CHRM3: variants seen among roughly 807,000 people sequenced by gnomAD.
The protein encoded by CHRM3 is muscarinic acetylcholine receptor M3.
CHRM3 carries 11 observed loss-of-function variants against 41.8 expected under a neutral mutation model. The ratio of observed to expected loss-of-function variants is 0.26; its 90% CI spans 0.17 to 0.44. CHRM3 has a LOEUF of 0.44. CHRM3 is among the 20% of genes least tolerant of loss of function. CHRM3 has a pLI of 1.00. For synonymous variants in CHRM3, 297 were observed against 301.4 expected (o/e 0.99, Z 0.15); for missense variants, 571 against 745.4 (o/e 0.77, Z 2.72).
chr1:239,711,148 C>T (rs1484863566), intron 5 of CHRM3, among the ~76,000 whole-genome samples: 2 of 152,048 alleles, frequency 1.3e-5, no homozygotes, highest in African/African-American at 4.8e-5. Flanking sequence ...AAATACACAT[C>T]CCTTGTGTGT....
chr1:239,740,834 G>C (rs1243010907), intron 5 of CHRM3, among the ~76,000 whole-genome samples: 1 of 152,200 alleles, frequency 6.6e-6, no homozygotes, highest in Non-Finnish European at 1.5e-5. Flanking sequence ...TGGTGAGGCT[G>C]TGGAGAAATA....
intron 3 of CHRM3, among the ~76,000 whole-genome samples, chr1:239,611,577 T>C (rs146705538): frequency 0.049 from 7,394 of 152,030 alleles, 261 homozygotes; most frequent in East Asian, 0.17. Context: ...TGCGTCACCA[T>C]GCCCGGCTAA....
chr1:239,641,477 A>G lies in CHRM3; in HGVS notation c.-250+9191A>G, dbSNP rs544386041. ...TATTGGGTGCATATATATTTAGGATAGTTAGCTCTTCTTGTTGAATTGATC... is the reference window on the plus strand; with the variant it reads ...TATTGGGTGCATATATATTTAGGATGGTTAGCTCTTCTTGTTGAATTGATC... On this transcript the variant is annotated intron_variant, in intron 4 of 6. Coordinates refer to ENST00000676153, the MANE Select transcript of CHRM3 (RefSeq NM_001375978.1). 2.7e-4 allele frequency among the ~76,000 whole-genome samples: 39 copies of G among 146,494 alleles called. No homozygotes were observed. The South Asian group carries it at 8.5e-3, about 32-fold the overall frequency.
intron 1 of CHRM3, among the ~76,000 whole-genome samples, chr1:239,481,145 A>G (rs1032641086): frequency 1.2e-4 from 19 of 152,186 alleles, no homozygotes; most frequent in African/African-American, 4.6e-4. Context: ...AATATTCATG[A>G]CATATAATTT....
At chr1:239,857,111 G>C (rs1675184939) in intron 6 of CHRM3, among the ~76,000 whole-genome samples, 1 of 152,156 alleles carries the variant, frequency 6.6e-6, no homozygotes, top group African/African-American at 2.4e-5. Context: ...TGATTGCTTA[G>C]GAGGCTGTTT....
intron 3 of CHRM3, among the ~76,000 whole-genome samples, chr1:239,566,069 G>A (rs776353829): frequency 2.2e-4 from 33 of 151,528 alleles, no homozygotes; most frequent in Middle Eastern, 3.2e-3. Context: ...CATGTGCCAC[G>A]ATGCCTGGCT....
rs1558195356 is a variant in CHRM3 at position 239,404,392 on chromosome 1, GAAAGAAAGAAAGAAAGAAAAAGAA to G, written c.-521+17167_-521+17190del. On this transcript the variant is annotated intron_variant, in intron 1 of 6. Transcript: ENST00000676153. ...AGAAAGAAAGAAAGAAAGAAAGAAA[GAAAGAAAGAAAGAAAGAAAAAGAA>G]AGAAAGAAAGAAAGAAAGAAAGAAA... is the stretch of plus-strand genomic sequence containing the variant. Among the ~76,000 whole-genome samples the G allele has an allele frequency of 4.6e-3, 324 of 69,862 alleles. 5 individuals carry two copies. Among genetic ancestry groups the G allele is most frequent in the African/African-American group, 4.2e-3 (73 of 17,224 alleles). The allele number at this position is 69,862 out of a possible 152,430, so 45.8% of individuals were successfully genotyped here. A position where few individuals can be genotyped will look rare whatever the true frequency, so the allele number is the denominator to read the frequency against.
chr1:239,585,219 G>A (rs577195188), intron 3 of CHRM3, among the ~76,000 whole-genome samples: 16 of 152,022 alleles, frequency 1.1e-4, no homozygotes, highest in Non-Finnish European at 2.4e-4. Flanking sequence ...AATTCTATTT[G>A]AATAATGACT....
At position 239,828,989 on chromosome 1, in the gene CHRM3, A is replaced by G. The variant is rs1672689192; in HGVS notation, c.-20+1611A>G. On this transcript the variant is annotated intron_variant, in intron 6 of 6. Transcript: ENST00000676153. ...GCATGGGATGCACACTATGAGGGCT[A>G]GATCTGTGACTATATGTGACCTGCT... is the stretch of plus-strand genomic sequence containing the variant. Among the ~76,000 whole-genome samples, 4 of 152,216 alleles carry G rather than the reference A, an allele frequency of 2.6e-5. No individual in the cohort carries two copies. In the South Asian group the frequency reaches 6.2e-4, roughly 24 times the overall value.
At chr1:239,633,285 T>G (rs1384514871) in intron 4 of CHRM3, among the ~76,000 whole-genome samples, 4 of 152,076 alleles carry the variant, frequency 2.6e-5, no homozygotes, top group African/African-American at 9.7e-5. Context: ...ATGACTTACA[T>G]AGCGGCAGGA....
At chr1:239,664,262 G>T (rs892530676) in intron 4 of CHRM3, among the ~76,000 whole-genome samples, 4 of 152,194 alleles carry the variant, frequency 2.6e-5, no homozygotes, top group African/African-American at 9.6e-5. Context: ...ATGAGTGCAT[G>T]TGCATAGCTT....
chr1:239,421,816 C>T (rs1047237872), intron 1 of CHRM3, among the ~76,000 whole-genome samples: 1 of 152,098 alleles, frequency 6.6e-6, no homozygotes, highest in Non-Finnish European at 1.5e-5. Context: ...CTTTACTCCT[C>T]GTTGCCAAAC....
chr1:239,493,568 G>A (rs1667691633), intron 2 of CHRM3, among the ~76,000 whole-genome samples: 1 of 151,992 alleles, frequency 6.6e-6, no homozygotes, highest in Admixed American at 6.6e-5. Flanking sequence ...ATATTGCATA[G>A]GCTGCCAAGC....
intron 6 of CHRM3, among the ~76,000 whole-genome samples, chr1:239,869,867 G>A (rs1572543280): frequency 6.6e-6 from 1 of 152,174 alleles, no homozygotes; most frequent in Non-Finnish European, 1.5e-5. Context: ...GAGTGGCATA[G>A]AGTGGCAGGG....
In CHRM3 at chr1:239,909,535, A is replaced by C. The variant is rs1214810803; in HGVS notation, c.*311A>C. On this transcript the variant is annotated 3_prime_UTR_variant, in exon 7 of 7. Transcript: ENST00000676153. ...TGACGGCAATTATATACCCAAAGTG[A>C]TTTGCCTGGGTCCTTTAATTCCCAT... 3.9e-6 allele frequency: 1 copy of C among 256,360 alleles called. No homozygotes were observed. The highest frequency in any genetic ancestry group is 8.0e-6 in the Non-Finnish European group (1 of 125,420). 15.9% of individuals were successfully genotyped at this position (256,360 alleles called of 1,614,324 possible).
chr1:239,673,103 G>C lies in CHRM3; in HGVS notation c.-249-5083G>C, dbSNP rs114788058. Among the ~76,000 whole-genome samples, 1,122 of 152,250 alleles carry C rather than the reference G, an allele frequency of 7.4e-3. 10 individuals are homozygous for C. Among genetic ancestry groups the C allele is most frequent in the Non-Finnish European group, 9.3e-3 (630 of 68,018 alleles). On this transcript the variant is annotated intron_variant, in intron 4 of 6. Transcript: ENST00000676153. ...TGCACGTTCTTCCTGCCCAGCAGAA[G>C]ACAGAATGGCTTCCCGGAGCTGGAG...
intron 6 of CHRM3, among the ~76,000 whole-genome samples, chr1:239,862,390 A>G (rs961204496): frequency 6.6e-6 from 1 of 152,154 alleles, no homozygotes; most frequent in African/African-American, 2.4e-5. Context: ...AAAGAAAAAC[A>G]CTCCTAAGTA....
intron 5 of CHRM3, among the ~76,000 whole-genome samples, chr1:239,729,884 G>A (rs546938219): frequency 1.4e-4 from 21 of 151,880 alleles, no homozygotes; most frequent in Non-Finnish European, 2.2e-4. Context: ...TCGAGTTTGG[G>A]TGTATTTTTA....
At chr1:239,818,653 T>C (rs1174007151) in intron 5 of CHRM3, among the ~76,000 whole-genome samples, 3 of 152,170 alleles carry the variant, frequency 2.0e-5, no homozygotes, top group Non-Finnish European at 4.4e-5. Flanking sequence ...TCCAAATTTA[T>C]GACAAGCTTA....
Sources: allele counts gnomAD v4.1 joint callset (sites outside exome capture counted in the v4.1 genomes callset), GRCh38; gene constraint gnomAD v4.1.1; transcripts MANE v1.5; gene names NCBI Gene and HGNC (gene_info 2026-07-23, HGNC 2026-07-21).